RFC3: variants seen among roughly 807,000 people sequenced by gnomAD.
The protein encoded by RFC3 is A1 38 kDa subunit.
A neutral mutation model predicts 45.1 loss-of-function variants in RFC3; 41 were observed. The observed-to-expected ratio is 0.91, with a 90% CI of 0.71 to 1.18. RFC3 has a LOEUF of 1.18. Among genes scored for constraint, RFC3 ranks in the 50% most tolerant of loss-of-function variants. The pLI, the probability that RFC3 is intolerant of heterozygous loss-of-function variation, is 0.00. For missense variants in RFC3, 423 were observed against 428.1 expected (o/e 0.99, Z 0.10); for synonymous variants, 149 against 144.0 (o/e 1.03, Z -0.25).
At chr13:33,932,145 C>T (rs2082856576) in intron 8 of RFC3, among the ~76,000 whole-genome samples, 2 of 152,094 alleles carry the variant, frequency 1.3e-5, no homozygotes, top group South Asian at 4.1e-4. Context: ...ATGAAATTTA[C>T]CATCTCAATA....
intron 8 of RFC3, among the ~76,000 whole-genome samples, chr13:33,925,885 A>G (rs1248256845): frequency 2.0e-5 from 3 of 152,038 alleles, no homozygotes; most frequent in African/African-American, 7.2e-5. Flanking sequence ...ATCAATATCA[A>G]ATAAGAATGT....
chr13:33,821,005 G>T, intron 1 of RFC3, 127 bp from the exon 2 acceptor site: 1 of 782,954 alleles, frequency 1.3e-6, no homozygotes, highest in South Asian at 2.8e-5. Context: ...AAAATTGGGT[G>T]TATCTACTCA....
intron 8 of RFC3, among the ~76,000 whole-genome samples, chr13:33,925,375 T>TAC (rs2082801499): frequency 2.5e-5 from 3 of 121,362 alleles, no homozygotes; most frequent in African/African-American, 1.3e-4. Context: ...TATACATACA[T>TAC]ATAGTGTACT....
intron 8 of RFC3, among the ~76,000 whole-genome samples, chr13:33,938,427 A>G (rs1412074959): frequency 1.3e-5 from 2 of 152,100 alleles, no homozygotes; most frequent in Non-Finnish European, 2.9e-5. Flanking sequence ...TTTTTCACAA[A>G]GTAAAAACCA....
intron 8 of RFC3, among the ~76,000 whole-genome samples, chr13:33,955,432 C>T (rs2083016149): frequency 6.6e-6 from 1 of 152,140 alleles, no homozygotes; most frequent in African/African-American, 2.4e-5. Context: ...GTGCAACTAG[C>T]TGTCAGGTAG....
At chr13:33,947,533 T>C (rs908271717) in intron 8 of RFC3, among the ~76,000 whole-genome samples, 2 of 152,184 alleles carry the variant, frequency 1.3e-5, no homozygotes, top group African/African-American at 2.4e-5. Flanking sequence ...GAAGCGACTC[T>C]GGAACTGGGC....
At chr13:33,876,217 C>T (rs754713007) in intron 8 of RFC3, among the ~76,000 whole-genome samples, 1 of 152,140 alleles carries the variant, frequency 6.6e-6, no homozygotes, top group Non-Finnish European at 1.5e-5. Context: ...CATATTCAAA[C>T]AGTTTAAACA....
At chr13:33,880,449 T>A (rs1183514704) in intron 8 of RFC3, among the ~76,000 whole-genome samples, 6 of 152,158 alleles carry the variant, frequency 3.9e-5, no homozygotes, top group Non-Finnish European at 7.4e-5. Flanking sequence ...TGTGGGTTGC[T>A]CTAGGCAAGA....
the RFC3 span, among the ~76,000 whole-genome samples, chr13:33,973,414 C>T: frequency 1.3e-5 from 2 of 152,148 alleles, no homozygotes; most frequent in African/African-American, 4.8e-5. Flanking sequence ...TTCATTGAAA[C>T]CGCTGAATAT....
intron 3 of RFC3, among the ~76,000 whole-genome samples, chr13:33,824,920 G>C (rs992881554): frequency 4.6e-5 from 7 of 152,140 alleles, no homozygotes; most frequent in Admixed American, 6.6e-5. Context: ...AATGGAGAAT[G>C]TTTTGGATTC....
At chr13:33,843,055 C>T (rs1341530490) in intron 8 of RFC3, among the ~76,000 whole-genome samples, 1 of 151,984 alleles carries the variant, frequency 6.6e-6, no homozygotes, top group Non-Finnish European at 1.5e-5. Context: ...AGCACTTAAT[C>T]ACAAAACACA....
At chr13:33,925,163 T>G (rs989070082) in intron 8 of RFC3, among the ~76,000 whole-genome samples, 2 of 145,234 alleles carry the variant, frequency 1.4e-5, no homozygotes, top group African/African-American at 5.2e-5. Context: ...CATACACATA[T>G]AGTGTACTAT....
At chr13:33,951,498 C>G (rs1482921451) in intron 8 of RFC3, among the ~76,000 whole-genome samples, 2 of 152,054 alleles carry the variant, frequency 1.3e-5, no homozygotes, top group African/African-American at 4.8e-5. Flanking sequence ...TTCAAAAGTG[C>G]TGGTATTACA....
intron 6 of RFC3, 131 bp downstream of exon 6, chr13:33,830,986 TC>T: frequency 1.4e-6 from 1 of 704,148 alleles, no homozygotes; most frequent in Non-Finnish European, 2.3e-6. Context: ...ATGAAATTGT[TC>T]CACCTCAGAT....
chr13:33,841,043 A>G (rs369615617), downstream of RFC3, among the ~76,000 whole-genome samples: 9 of 152,180 alleles, frequency 5.9e-5, no homozygotes, highest in African/African-American at 7.2e-5. Flanking sequence ...ACCAGAGACT[A>G]TTACCACCTG....
intron 8 of RFC3, among the ~76,000 whole-genome samples, chr13:33,903,567 G>A (rs2082654332): frequency 1.3e-5 from 2 of 151,982 alleles, no homozygotes; most frequent in South Asian, 4.2e-4. Context: ...TTCACAAGTG[G>A]GCTCCAGCAA....
chr13:33,830,941 C>A, intron 6 of RFC3, 86 bp downstream of exon 6: 1 of 1,142,772 alleles, frequency 8.8e-7, no homozygotes, highest in Middle Eastern at 2.9e-4. Context: ...GACAATTTTT[C>A]CATGGACTGG....
intron 8 of RFC3, among the ~76,000 whole-genome samples, chr13:33,862,599 T>C (rs68139804): frequency 1.4e-4 from 22 of 152,280 alleles, no homozygotes; most frequent in African/African-American, 5.1e-4. Flanking sequence ...AAGCGAGACA[T>C]GTTATAGGTT....
At chr13:33,911,894 A>G (rs2082705771) in intron 8 of RFC3, among the ~76,000 whole-genome samples, 1 of 152,104 alleles carries the variant, frequency 6.6e-6, no homozygotes, top group Non-Finnish European at 1.5e-5. Flanking sequence ...GTGCGGACGA[A>G]CAAACCATAT....
Sources: gnomAD v4.1 joint callset for allele counts (sites outside exome capture counted in the v4.1 genomes callset) on GRCh38, gnomAD v4.1.1 for gene constraint, MANE v1.5 for transcripts, NCBI Gene and HGNC (gene_info 2026-07-23, HGNC 2026-07-21) for gene names.